Variants in ARID5B observed in about 807,000 individuals in gnomAD.
ARID5B encodes the protein AT-rich interaction domain 5B.
ARID5B carries 13 observed loss-of-function variants against 97.2 expected under a neutral mutation model. The observed-to-expected ratio is 0.13, with a 90% CI of 0.09 to 0.21. The LOEUF is 0.21. Ranked by LOEUF, ARID5B falls within the 10% of genes least tolerant of loss-of-function variation. The probability of loss-of-function intolerance (pLI) is 1.00; values close to 1 mark genes in which losing one functional copy is unlikely to be tolerated. For missense variants in ARID5B, 1,210 were observed against 1,465.3 expected, an observed-to-expected ratio of 0.83 and a Z score of 2.84; for synonymous variants, 556 against 570.3, an observed-to-expected ratio of 0.97 and a Z score of 0.36.
intron 4 of ARID5B, among the ~76,000 whole-genome samples, chr10:62,026,724 A>T (rs1319866458): frequency 6.6e-6 from 1 of 152,162 alleles, no homozygotes; most frequent in Non-Finnish European, 1.5e-5. Flanking sequence ...GAGCTTGATG[A>T]GATTTGCTCT....
chr10:61,984,254 A>G (rs148173677), intron 3 of ARID5B, among the ~76,000 whole-genome samples: 4 of 152,200 alleles, frequency 2.6e-5, no homozygotes, highest in Non-Finnish European at 4.4e-5. Context: ...TTCTCCATCA[A>G]TGGAGGATAG....
At chr10:61,998,277 A>C (rs1156518353) in intron 3 of ARID5B, among the ~76,000 whole-genome samples, 2 of 152,134 alleles carry the variant, frequency 1.3e-5, no homozygotes. Flanking sequence ...TTCGTCTCCC[A>C]CTGGTTACCA....
chr10:61,939,354 A>G (rs1844359560), intron 2 of ARID5B, among the ~76,000 whole-genome samples: 1 of 152,180 alleles, frequency 6.6e-6, no homozygotes, highest in South Asian at 2.1e-4. Context: ...ATGGATGTCT[A>G]TTAAAGATCT....
At position 62,000,290 on chromosome 10, in the gene ARID5B, C is replaced by T; in HGVS notation, c.702C>T (p.Leu234=). ...GGGACACCTTTGACCACCCGACTCTCATAGAAAACGAGAGTATATGCGATG... is the reference window on the plus strand; with the variant it reads ...GGGACACCTTTGACCACCCGACTCTTATAGAAAACGAGAGTATATGCGATG... The part of the protein sequence containing the change: ...YCRDTFDHPT[L]IENESICDEF... Residue 234 remains leucine (L), a synonymous_variant, in exon 4 of 10, where the codon CTC becomes CTT. Coordinates refer to ENST00000279873, the MANE Select transcript of ARID5B (RefSeq NM_032199.3). The surrounding 1 kb of genome is among the most constrained non-coding windows in gnomAD (Gnocchi z 4.4). The T allele has an allele frequency of 6.2e-7, 1 of 1,612,568 alleles. No homozygotes were observed.
At chr10:61,931,520 A>G (rs149610881) in intron 2 of ARID5B, among the ~76,000 whole-genome samples, 2 of 152,214 alleles carry the variant, frequency 1.3e-5, no homozygotes, top group African/African-American at 2.4e-5. Flanking sequence ...TAATCAAAAT[A>G]TAAAACCTTT....
Position 62,064,747 on chromosome 10 carries a change from T to C in ARID5B, c.1102-4953T>C, listed in dbSNP as rs1291764985. On this transcript the variant is annotated intron_variant, in intron 7 of 9. Coordinates refer to ENST00000279873, the MANE Select transcript of ARID5B (RefSeq NM_032199.3). ...CTACCTGGGTTCTAAAGACAATTTA[T>C]TTTTTTTGTTGGTTTTTTGTTTGTT... Among the ~76,000 whole-genome samples, 4 of 52,856 alleles carry C rather than the reference T, an allele frequency of 7.6e-5. No individual in the cohort carries two copies. In the East Asian group the frequency reaches 1.9e-3, roughly 25 times the overall value. 34.7% of individuals were successfully genotyped at this position (52,856 alleles called of 152,430 possible).
chr10:61,905,692 T>A (rs1175692457), intron 2 of ARID5B, among the ~76,000 whole-genome samples: 1 of 152,198 alleles, frequency 6.6e-6, no homozygotes, highest in Non-Finnish European at 1.5e-5. Flanking sequence ...AAGTGTGTAC[T>A]AATGTGAACA....
chr10:62,084,416 G>T (rs1455256017), intron 8 of ARID5B, among the ~76,000 whole-genome samples: 1 of 152,204 alleles, frequency 6.6e-6, no homozygotes, highest in Non-Finnish European at 1.5e-5. Flanking sequence ...GACCAAGGAA[G>T]TTTTTGCCTG....
chr10:62,008,111 C>T (rs898858717), intron 4 of ARID5B, among the ~76,000 whole-genome samples: 2 of 135,266 alleles, frequency 1.5e-5, no homozygotes, highest in Admixed American at 8.3e-5. Context: ...GCCACATAAG[C>T]TCTTTGTAAA....
chr10:61,985,338 C>T (rs1838832582), intron 3 of ARID5B, among the ~76,000 whole-genome samples: 1 of 151,948 alleles, frequency 6.6e-6, no homozygotes, highest in Non-Finnish European at 1.5e-5. Context: ...CTATACACCC[C>T]TCTTTAAAGA....
intron 5 of ARID5B, among the ~76,000 whole-genome samples, chr10:62,052,237 C>T (rs1839799867): frequency 6.6e-6 from 1 of 152,234 alleles, no homozygotes; most frequent in African/African-American, 2.4e-5. Context: ...CGAATTAACT[C>T]CACATGGATG....
chr10:62,073,928 A>G (rs1840096596), intron 8 of ARID5B, among the ~76,000 whole-genome samples: 1 of 152,190 alleles, frequency 6.6e-6, no homozygotes, highest in African/African-American at 2.4e-5. Flanking sequence ...TAACCAGTTC[A>G]CTTTATTTTT....
rs200514463 is a variant in ARID5B at position 61,924,114 on chromosome 10, G to A, written c.277-16069G>A. Among the ~76,000 whole-genome samples the A allele has an allele frequency of 3.9e-5, 6 of 152,280 alleles. No homozygotes were observed. The East Asian group carries it at 9.6e-4, about 24-fold the overall frequency. On this transcript the variant is annotated intron_variant, in intron 2 of 9. Coordinates refer to ENST00000279873, the MANE Select transcript of ARID5B (RefSeq NM_032199.3). Reference sequence around the variant, plus strand: ...CACCTGCAAGGATGCAGAGCACAGGGCATGGAAAGCTGCACAAGTTTTCAG... The same window carrying A: ...CACCTGCAAGGATGCAGAGCACAGGACATGGAAAGCTGCACAAGTTTTCAG...
intron 4 of ARID5B, among the ~76,000 whole-genome samples, chr10:62,013,421 C>T (rs894550606): frequency 2.0e-5 from 3 of 152,036 alleles, no homozygotes; most frequent in Non-Finnish European, 2.9e-5. Flanking sequence ...CATGCATTAC[C>T]TCACATACTT....
chr10:62,039,743 C>T (rs1238100190), intron 4 of ARID5B, among the ~76,000 whole-genome samples: 1 of 152,198 alleles, frequency 6.6e-6, no homozygotes, highest in Non-Finnish European at 1.5e-5. Context: ...CTCCCTGCCC[C>T]CAGAGTTCAA....
chr10:61,940,174 C>A lies in ARID5B; in HGVS notation c.277-9C>A. The stretch of plus-strand genomic sequence containing the variant: ...ACGTTTTTTGTTCTTCCCCAACCAC[C>A]TCTTGTAGGATGAAGTCATTGCTGT... On this transcript the variant is annotated splice_polypyrimidine_tract_variant and intron_variant, in intron 2 of 9. Coordinates refer to ENST00000279873, the MANE Select transcript of ARID5B (RefSeq NM_032199.3). 6.2e-7 allele frequency: 1 copy of A among 1,613,730 alleles called. No homozygotes were observed. The highest frequency in any genetic ancestry group is 8.5e-7 in the Non-Finnish European group (1 of 1,179,616).
intron 8 of ARID5B, among the ~76,000 whole-genome samples, chr10:62,079,663 C>T (rs1466627156): frequency 3.9e-5 from 6 of 152,152 alleles, no homozygotes; most frequent in Admixed American, 1.3e-4. Flanking sequence ...TCCAGTACCA[C>T]GTACCTTTCT....
chr10:62,092,983 T>A lies in ARID5B; in HGVS notation c.3520T>A (p.Phe1174Ile). The change falls in exon 10 of 10, where the codon TTT becomes ATT. Residue 1174 changes from phenylalanine (F) to isoleucine (I), a missense_variant. Phe to Ile is a conservative substitution (Grantham distance 21). Coordinates refer to ENST00000279873, the MANE Select transcript of ARID5B (RefSeq NM_032199.3). Reference protein sequence around the residue: ...PLAAINPQAAFPSSQLSSVHP... With the variant: ...PLAAINPQAAIPSSQLSSVHP... ...AGCTGCTATAAATCCTCAAGCTGCC[T>A]TTCCATCTTCCCAGCTGTCATCCGT... The A allele has an allele frequency of 6.2e-7, 1 of 1,613,606 alleles. No homozygotes were observed.
intron 7 of ARID5B, among the ~76,000 whole-genome samples, chr10:62,063,531 C>T (rs555366529): frequency 2.0e-5 from 3 of 151,508 alleles, no homozygotes; most frequent in African/African-American, 7.3e-5. Flanking sequence ...AAAAGAGGAG[C>T]AGAAGTTTCA....
Sources: allele counts gnomAD v4.1 joint callset (sites outside exome capture counted in the v4.1 genomes callset), GRCh38; gene constraint gnomAD v4.1.1; non-coding constraint Gnocchi (gnomAD v3.1); transcripts MANE v1.5; gene names NCBI Gene and HGNC (gene_info 2026-07-23, HGNC 2026-07-21).